Variants in LRIT3 observed in about 807,000 individuals in gnomAD.
LRIT3 encodes leucine rich repeat, Ig-like and transmembrane domains 3.
In LRIT3, 14 loss-of-function variants were observed where a neutral mutation model predicts 22.6. That is an observed-to-expected ratio of 0.62 (90% CI 0.41 to 0.97). The LOEUF is 0.97. Among genes scored for constraint, LRIT3 ranks in the 50% least tolerant of loss-of-function variants. The pLI, the probability that LRIT3 is intolerant of heterozygous loss-of-function variation, is 0.00. For synonymous variants in LRIT3, 306 were observed against 304.5 expected (o/e 1.01, Z -0.05); for missense variants, 783 against 803.0 (o/e 0.98, Z 0.30).
chr4:109,861,159 A>T (rs1050982138), intron 2 of LRIT3, among the ~76,000 whole-genome samples: 1 of 152,102 alleles, frequency 6.6e-6, no homozygotes, highest in Non-Finnish European at 1.5e-5. Context: ...ACTTTTAGTC[A>T]GGAGTTTGAG....
intron 1 of LRIT3, among the ~76,000 whole-genome samples, chr4:109,849,293 C>T (rs1734151270): frequency 6.6e-6 from 1 of 152,170 alleles, no homozygotes; most frequent in Non-Finnish European, 1.5e-5. Context: ...AGTTAAAGAC[C>T]TACTTGTCCA....
intron 2 of LRIT3, among the ~76,000 whole-genome samples, chr4:109,854,277 T>C (rs1734347975): frequency 1.3e-5 from 2 of 152,356 alleles, no homozygotes; most frequent in South Asian, 4.1e-4. Context: ...CAGTGGTTTT[T>C]AGTTCTCCTT....
At chr4:109,863,733 C>T (rs1025083514) in intron 2 of LRIT3, among the ~76,000 whole-genome samples, 5 of 152,200 alleles carry the variant, frequency 3.3e-5, no homozygotes, top group Non-Finnish European at 7.3e-5. Flanking sequence ...CTTCTACCAA[C>T]ATCCATAAAA....
chr4:109,870,088 G>A lies in LRIT3; in HGVS notation c.1339G>A (p.Gly447Ser). The change falls in exon 4 of 4, where the codon GGT becomes AGT. Residue 447 changes from glycine (G) to serine (S), a missense_variant. Around this residue, in one of 2 missense-constraint regions of LRIT3, gnomAD observed 756 missense variants for 753.8 expected, o/e 1.00. Coordinates refer to ENST00000594814, the MANE Select transcript of LRIT3 (RefSeq NM_198506.5). The part of the protein sequence containing the change: ...ANKRSFQLHQ[G>S]GKRNLKVAKN... ...CAAGCGATCATTCCAGCTCCACCAA[G>A]GTGGGAAAAGAAATTTAAAGGTGGC... 1 of 1,614,136 alleles carries A rather than the reference G, an allele frequency of 6.2e-7. No homozygotes were observed. Among genetic ancestry groups the A allele is most frequent in the East Asian group, 2.2e-5 (1 of 44,888 alleles).
rs140494004 is a variant in LRIT3 at position 109,869,908 on chromosome 4, T to C, written c.1159T>C (p.Trp387Arg). 8 of 1,613,996 alleles carry C rather than the reference T, an allele frequency of 5.0e-6. No individual in the cohort carries two copies. In the East Asian group the frequency reaches 1.8e-4, roughly 36 times the overall value. The change falls in exon 4 of 4, where the codon TGG (tryptophan) becomes CGG (arginine). Residue 387 changes from tryptophan to arginine, a missense_variant. By Grantham distance (101) the Trp-to-Arg change is moderately radical. Transcript: ENST00000594814. The stretch of plus-strand genomic sequence containing the variant: ...TGTATCTAGCGCATCATCATATCTT[T>C]GGTCCTCTTCCTTCTCCCCCACATC... The part of the protein sequence containing the change: ...TSVSSASSYL[W>R]SSSFSPTSSF...
chr4:109,867,526 T>G (rs1734711602), intron 2 of LRIT3, 115 bp from the exon 3 acceptor site: 8 of 964,970 alleles, frequency 8.3e-6, no homozygotes, highest in Non-Finnish European at 1.2e-5. Context: ...GCTTCATCCC[T>G]CAAAGCACTT....
At chr4:109,863,156 T>A (rs1364737599) in intron 2 of LRIT3, among the ~76,000 whole-genome samples, 1 of 152,194 alleles carries the variant, frequency 6.6e-6, no homozygotes, top group East Asian at 1.9e-4. Flanking sequence ...GATAGTAATA[T>A]CTTTGTGCTT....
In LRIT3 at chr4:109,865,374, A is replaced by G. The variant is rs149923947; in HGVS notation, c.590-2267A>G. 2.9e-6 allele frequency: 4 copies of G among 1,364,732 alleles called. No homozygotes were observed. The African/African-American group carries it at 5.7e-5, about 20-fold the overall frequency. The allele number at this position is 1,364,732 out of a possible 1,614,324, so 84.5% of individuals were successfully genotyped here. On this transcript the variant is annotated intron_variant, in intron 2 of 3. Coordinates refer to ENST00000594814, the MANE Select transcript of LRIT3 (RefSeq NM_198506.5). ...CAACTAATACGTACAATAATGACTGAATATCTAATGTGGTATCTGGTGGTG... is the reference window on the plus strand; with the variant it reads ...CAACTAATACGTACAATAATGACTGGATATCTAATGTGGTATCTGGTGGTG...
intron 2 of LRIT3, among the ~76,000 whole-genome samples, chr4:109,853,228 A>G (rs2125897678): frequency 6.6e-6 from 1 of 152,234 alleles, no homozygotes; most frequent in African/African-American, 2.4e-5. Context: ...ATTTCTCCAC[A>G]TCCTCTCCAG....
chr4:109,859,455 C>G (rs1021809919), intron 2 of LRIT3, among the ~76,000 whole-genome samples: 2 of 152,138 alleles, frequency 1.3e-5, no homozygotes, highest in Non-Finnish European at 2.9e-5. Flanking sequence ...TTTTCATAAC[C>G]TATGATTAGC....
intron 1 of LRIT3, 79 bp from the exon 2 acceptor site, chr4:109,851,425 A>G: frequency 6.9e-7 from 1 of 1,458,932 alleles, no homozygotes; most frequent in East Asian, 2.5e-5. Flanking sequence ...AAATTGATAC[A>G]TTTTTCAAAT....
chr4:109,871,639 G>A lies in LRIT3; in HGVS notation c.*850G>A, dbSNP rs989173141. On this transcript the variant is annotated 3_prime_UTR_variant, in exon 4 of 4. Transcript: ENST00000594814. ...GTCAGAAGATATACAAGTAGCCAAA[G>A]CATCACGAGCCAAGCTGTTTGTCTT... 3 of 151,870 alleles carry A rather than the reference G, an allele frequency of 2.0e-5. No homozygotes were observed. The highest frequency in any genetic ancestry group is 2.9e-5 in the Non-Finnish European group (2 of 68,002). The allele number at this position is 151,870 out of a possible 1,614,324, so 9.4% of individuals were successfully genotyped here.
Position 109,851,645 on chromosome 4 carries a change from C to T in LRIT3, c.258C>T (p.Leu86=). Residue 86 remains leucine (L), a synonymous_variant, in exon 2 of 4, where the codon CTC becomes CTT. Coordinates refer to ENST00000594814, the MANE Select transcript of LRIT3 (RefSeq NM_198506.5). Reference sequence around the variant, plus strand: ...ATTACCTGGTGGAGCTCCAGTATCTCTGGGTGACTTACAATTCCGTGGCCA... The same window carrying T: ...ATTACCTGGTGGAGCTCCAGTATCTTTGGGTGACTTACAATTCCGTGGCCA... The part of the protein sequence containing the change: ...AFYYLVELQY[L]WVTYNSVASI... 6.4e-7 allele frequency: 1 copy of T among 1,551,714 alleles called. No individual in the cohort carries two copies. Among genetic ancestry groups the T allele is most frequent in the Non-Finnish European group, 8.7e-7 (1 of 1,146,988 alleles).
chr4:109,869,615 C>T (rs747431079), intron 3 of LRIT3, 30 bp from the exon 4 acceptor site: 1 of 1,516,462 alleles, frequency 6.6e-7, no homozygotes, highest in Non-Finnish European at 8.8e-7. Flanking sequence ...CTTTTTGTTC[C>T]TCACAGACTA....
intron 2 of LRIT3, among the ~76,000 whole-genome samples, chr4:109,855,305 T>C (rs1422538891): frequency 6.6e-6 from 1 of 152,196 alleles, no homozygotes; most frequent in Non-Finnish European, 1.5e-5. Context: ...CCATTTCTTC[T>C]AGATTTTCTA....
chr4:109,858,955 G>A (rs1218469714), intron 2 of LRIT3, among the ~76,000 whole-genome samples: 1 of 152,180 alleles, frequency 6.6e-6, no homozygotes, highest in Non-Finnish European at 1.5e-5. Flanking sequence ...GAAAACATAT[G>A]TTTTTTAACA....
intron 1 of LRIT3, among the ~76,000 whole-genome samples, chr4:109,850,900 G>T (rs1447251310): frequency 6.6e-6 from 1 of 152,108 alleles, no homozygotes; most frequent in African/African-American, 2.4e-5. Flanking sequence ...AAAGCAATGT[G>T]CAAGTCACGT....
At chr4:109,859,395 A>G (rs1295945334) in intron 2 of LRIT3, among the ~76,000 whole-genome samples, 1 of 152,220 alleles carries the variant, frequency 6.6e-6, no homozygotes, top group Non-Finnish European at 1.5e-5. Flanking sequence ...TTTACAATAT[A>G]GTGTGTGCAT....
chr4:109,866,108 G>A (rs907162873), intron 2 of LRIT3, among the ~76,000 whole-genome samples: 2 of 152,064 alleles, frequency 1.3e-5, no homozygotes, highest in Non-Finnish European at 2.9e-5. Flanking sequence ...AAAAATACGA[G>A]CCAGTCATGA....
Sources: allele counts gnomAD v4.1 joint callset (sites outside exome capture counted in the v4.1 genomes callset), GRCh38; gene constraint gnomAD v4.1.1; regional missense constraint gnomAD v4.1.1; transcripts MANE v1.5; gene names NCBI Gene and HGNC (gene_info 2026-07-23, HGNC 2026-07-21).